STK32A: variants seen among roughly 807,000 people sequenced by gnomAD.
STK32A encodes the protein serine/threonine kinase 32A, also known as serine/threonine-protein kinase 32A.
Under a neutral mutation model 53.2 loss-of-function variants are expected in STK32A, and 41 were observed. That is an observed-to-expected ratio of 0.77 (90% CI 0.60 to 1.00). The LOEUF is 1.00. STK32A is among the 50% of genes least tolerant of loss of function. STK32A has a pLI of 0.00. For synonymous variants in STK32A, 166 were observed against 162.8 expected (o/e 1.02, Z -0.15); for missense variants, 458 against 485.8 (o/e 0.94, Z 0.54).
chr5:147,306,575 G>A (rs1753420490), intron 4 of STK32A, among the ~76,000 whole-genome samples: 1 of 150,704 alleles, frequency 6.6e-6, no homozygotes, highest in Non-Finnish European at 1.5e-5. Context: ...ATTTTATATT[G>A]TATCATATAT....
chr5:147,395,801 GA>G, the STK32A span: 2 of 1,522,736 alleles, frequency 1.3e-6, no homozygotes, highest in Admixed American at 3.9e-5. Context: ...ATATATTAGT[GA>G]ATACAGTGTG....
the STK32A span, among the ~76,000 whole-genome samples, chr5:147,395,216 T>G: frequency 6.6e-6 from 1 of 152,222 alleles, no homozygotes; most frequent in Non-Finnish European, 1.5e-5. Flanking sequence ...GAAAACATAC[T>G]ATGTTGCATA....
intron 5 of STK32A, among the ~76,000 whole-genome samples, chr5:147,342,322 A>G (rs1452713074): frequency 2.0e-5 from 3 of 152,322 alleles, no homozygotes; most frequent in South Asian, 4.1e-4. Context: ...GATAAATGTT[A>G]TGGTGGAAGA....
intron 4 of STK32A, among the ~76,000 whole-genome samples, chr5:147,315,497 C>A (rs556672589): frequency 6.6e-6 from 1 of 152,118 alleles, no homozygotes; most frequent in South Asian, 2.1e-4. Flanking sequence ...TTATATGATT[C>A]CACTTAGATG....
intron 2 of STK32A, among the ~76,000 whole-genome samples, chr5:147,277,353 C>G (rs1038213558): frequency 6.6e-6 from 1 of 152,088 alleles, no homozygotes; most frequent in African/African-American, 2.4e-5. Flanking sequence ...ATACATTTCA[C>G]GAGCATTGAC....
chr5:147,341,020 G>A (rs1755377327), intron 5 of STK32A, among the ~76,000 whole-genome samples: 1 of 152,184 alleles, frequency 6.6e-6, no homozygotes, highest in Admixed American at 6.5e-5. Context: ...ATGATGTATG[G>A]ATTCAATAAA....
At chr5:147,317,182 G>GC (rs1418847754) in intron 4 of STK32A, among the ~76,000 whole-genome samples, 1 of 149,984 alleles carries the variant, frequency 6.7e-6, no homozygotes, top group Non-Finnish European at 1.5e-5. Context: ...ACTTGAACAA[G>GC]CCTCTAGATC....
chr5:147,277,082 C>A (rs1316433327), intron 2 of STK32A, among the ~76,000 whole-genome samples: 1 of 152,144 alleles, frequency 6.6e-6, no homozygotes. Flanking sequence ...TCTAGCCAAA[C>A]TTTTTCCTTC....
intron 1 of STK32A, among the ~76,000 whole-genome samples, chr5:147,237,030 C>T (rs750029805): frequency 2.6e-4 from 39 of 152,158 alleles, no homozygotes; most frequent in Non-Finnish European, 4.6e-4. Flanking sequence ...AATGTTCTCC[C>T]GGCCAGGCAC....
chr5:147,304,457 G>T (rs1248004588), intron 4 of STK32A, among the ~76,000 whole-genome samples: 1 of 152,172 alleles, frequency 6.6e-6, no homozygotes, highest in Non-Finnish European at 1.5e-5. Context: ...GGCAGTAAGT[G>T]AATCTGGAGT....
intron 4 of STK32A, among the ~76,000 whole-genome samples, chr5:147,320,445 TTTGATTCATTGA>T (rs72101623): frequency 2.6e-5 from 4 of 151,288 alleles, no homozygotes; most frequent in African/African-American, 9.7e-5. Flanking sequence ...CCTTTCTTTC[TTTGATTCATTGA>T]TTATGTTTTC....
chr5:147,271,657 C>T lies in STK32A; in HGVS notation c.53-6467C>T, dbSNP rs183542480. ...CCCTGAGGGTGGGCCTCTAAAATGGCCCCCTTGGGTGTGGCCGTCTTCTAT... is the reference window on the plus strand; with the variant it reads ...CCCTGAGGGTGGGCCTCTAAAATGGTCCCCTTGGGTGTGGCCGTCTTCTAT... On this transcript the variant is annotated intron_variant, in intron 2 of 12. Coordinates refer to ENST00000397936, the MANE Select transcript of STK32A (RefSeq NM_001112724.2). 4.6e-5 allele frequency among the ~76,000 whole-genome samples: 7 copies of T among 152,232 alleles called. 1 individual carries two copies. Among genetic ancestry groups the T allele is most frequent in the African/African-American group, 1.7e-4 (7 of 41,534 alleles).
rs191742835 is a variant in STK32A, at chr5:147,302,913, T to C, written c.261-20985T>C. Among the ~76,000 whole-genome samples the C allele has an allele frequency of 3.9e-4, 59 of 152,000 alleles. No homozygotes were observed. The East Asian group carries it at 0.01, about 26-fold the overall frequency. On this transcript the variant is annotated intron_variant, in intron 4 of 12. Transcript: ENST00000397936. ...AAATTTCCTAAGCATAAACACTCTT[T>C]GTTTCTTTTCAGTATATATTTCTTC...
At chr5:147,364,215 CAAAAAAAA>C (rs764357691) in intron 8 of STK32A, among the ~76,000 whole-genome samples, 2 of 66,878 alleles carry the variant, frequency 3.0e-5, no homozygotes, top group East Asian at 1.1e-3. Flanking sequence ...AACTCCATCT[CAAAAAAAA>C]AAAAAAAAAA....
intron 4 of STK32A, among the ~76,000 whole-genome samples, chr5:147,281,430 A>T (rs910291301): frequency 2.6e-5 from 4 of 152,164 alleles, no homozygotes; most frequent in Non-Finnish European, 4.4e-5. Flanking sequence ...AATTCAGGAA[A>T]CTTTAGACAC....
chr5:147,262,982 A>G (rs754138558), intron 2 of STK32A, among the ~76,000 whole-genome samples: 1 of 144,798 alleles, frequency 6.9e-6, no homozygotes, highest in Non-Finnish European at 1.5e-5. Flanking sequence ...TGTCCCTTCT[A>G]CCAACTTGGA....
At chr5:147,290,764 A>G (rs1178056768) in intron 4 of STK32A, among the ~76,000 whole-genome samples, 2 of 152,208 alleles carry the variant, frequency 1.3e-5, no homozygotes, top group African/African-American at 4.8e-5. Context: ...TATCAACCTT[A>G]AATAACGAGA....
At chr5:147,254,492 T>C (rs1754137471) in intron 2 of STK32A, among the ~76,000 whole-genome samples, 1 of 152,212 alleles carries the variant, frequency 6.6e-6, no homozygotes, top group South Asian at 2.1e-4. Flanking sequence ...AGCACTCGAA[T>C]ATAACATTTT....
chr5:147,401,111 G>A, the STK32A span, among the ~76,000 whole-genome samples: 1 of 152,216 alleles, frequency 6.6e-6, no homozygotes, highest in African/African-American at 2.4e-5. Flanking sequence ...TATGTCTGCA[G>A]AGGGCAGCAA....
Sources: allele counts gnomAD v4.1 joint callset (sites outside exome capture counted in the v4.1 genomes callset), GRCh38; gene constraint gnomAD v4.1.1; transcripts MANE v1.5; gene names NCBI Gene and HGNC (gene_info 2026-07-23, HGNC 2026-07-21).